Variants in TTN observed in about 807,000 individuals in gnomAD.
The protein encoded by TTN is titin, also known as connectin.
A neutral mutation model predicts 3,223.0 loss-of-function variants in TTN; 1,525 were observed. That is an observed-to-expected ratio of 0.47 (90% CI 0.45 to 0.49). TTN has a LOEUF of 0.49. Ranked by LOEUF, TTN falls within the 20% of genes least tolerant of loss-of-function variation. TTN has a pLI of 0.00. For missense variants in TTN, 40,786 were observed against 43,424.0 expected, an observed-to-expected ratio of 0.94 and a Z score of 5.40; for synonymous variants, 14,094 against 15,161.0, an observed-to-expected ratio of 0.93 and a Z score of 5.17.
In TTN at chr2:178,601,902, C is replaced by T; in HGVS notation, c.55282G>A (p.Asp18428Asn). Residue 18428 changes from aspartate to asparagine, a missense_variant, in exon 285 of 363, where the codon GAC becomes AAC. By Grantham distance (23) the Asp-to-Asn change is conservative (BLOSUM62 1). Coordinates refer to ENST00000589042, the MANE Select transcript of TTN (RefSeq NM_001267550.2). ...TTTACCTGTGCATCTTCGGGTATGT[C>T]ATGAACTCCATCCTATTAGAAAAGG... ...AKKAMKDGVH[D>N]IPEDAQLETA... 1 of 1,612,306 alleles carries T rather than the reference C, an allele frequency of 6.2e-7. No individual in the cohort carries two copies. Among genetic ancestry groups the T allele is most frequent in the Non-Finnish European group, 8.5e-7 (1 of 1,179,160 alleles).
chr2:178,791,798 T>A (rs2154354528), intron 10 of TTN, among the ~76,000 whole-genome samples: 1 of 152,194 alleles, frequency 6.6e-6, no homozygotes, highest in East Asian at 1.9e-4. Flanking sequence ...TGGCATGATA[T>A]CTATCATCCA....
intron 223 of TTN, 47 bp downstream of exon 223, chr2:178,639,652 T>TAAGTC: frequency 6.4e-7 from 1 of 1,574,504 alleles, no homozygotes; most frequent in Non-Finnish European, 8.7e-7. Context: ...ATACTTTTAT[T>TAAGTC]AAGTCACCAA....
intron 132 of TTN, 74 bp from the exon 133 acceptor site, chr2:178,684,156 G>C: frequency 1.3e-6 from 2 of 1,499,724 alleles, no homozygotes; most frequent in Non-Finnish European, 1.8e-6. Context: ...TAAAGTAGTA[G>C]CCCAAACATA....
chr2:178,795,226 G>A lies in TTN; in HGVS notation c.941C>T (p.Ser314Phe), dbSNP rs745587188. ...VRSVSPAARISTSPIRSVRSP... is the reference protein window; with the variant it reads ...VRSVSPAARIFTSPIRSVRSP... ...CCTAACAGACCTGATGGGGGATGTG[G>A]AGATTCTTGCTGCTGGAGACACGGA... The change falls in exon 7 of 363, where the codon TCC becomes TTC. Residue 314 changes from serine (S) to phenylalanine (F), a missense_variant. By Grantham distance (155) the Ser-to-Phe change is radical. Transcript: ENST00000589042. 3.1e-6 allele frequency: 5 copies of A among 1,614,156 alleles called. No individual in the cohort carries two copies. The South Asian group carries it at 5.5e-5, about 18-fold the overall frequency.
At position 178,652,964 on chromosome 2, in the gene TTN, G is replaced by T. The variant is rs753765776; in HGVS notation, c.38876-33C>A. 1.9e-6 allele frequency: 3 copies of T among 1,597,536 alleles called. No individual in the cohort carries two copies. In the Admixed American group the frequency reaches 5.2e-5, roughly 28 times the overall value. On this transcript the variant is annotated intron_variant, in intron 199 of 362. Coordinates refer to ENST00000589042, the MANE Select transcript of TTN (RefSeq NM_001267550.2). ...GATATTAGTGAAATTACATTTAGAA[G>T]TTTGAAGACCACTAGAAAAGTATTT...
Position 178,568,740 on chromosome 2 carries a change from G to T in TTN, c.77392C>A (p.Pro25798Thr), listed in dbSNP as rs1246528312. 1 of 1,613,036 alleles carries T rather than the reference G, an allele frequency of 6.2e-7. No homozygotes were observed. The change falls in exon 326 of 363, where the codon CCA becomes ACA. Residue 25798 changes from proline to threonine, a missense_variant. By Grantham distance (38) the Pro-to-Thr change is conservative. Transcript: ENST00000589042. The part of the protein sequence containing the change: ...PIVAKDLVIE[P>T]DVKPAFSSYS... The stretch of plus-strand genomic sequence containing the variant: ...CTACTGAATGCAGGTTTTACATCTG[G>T]CTCAATTACCAGATCTTTGGCAACT...
chr2:178,735,396 C>T, intron 50 of TTN, 115 bp downstream of exon 50: 1 of 1,032,280 alleles, frequency 9.7e-7, no homozygotes, highest in Non-Finnish European at 1.3e-6. Context: ...ATAATGTTTG[C>T]TGAATGACAT....
chr2:178,562,911 T>G lies in TTN; in HGVS notation c.83221A>C (p.Ser27741Arg), dbSNP rs1368077967. ...LVIDNVTRFDSGRYNLTLENN... is the reference protein window; with the variant it reads ...LVIDNVTRFDRGRYNLTLENN... ...TCTAATGTCAGATTATACCGACCAC[T>G]GTCAAATCTGGTAACATTATCAATC... is the stretch of plus-strand genomic sequence containing the variant. Residue 27741 changes from serine to arginine, a missense_variant, in exon 326 of 363, where the codon AGT (serine) becomes CGT (arginine). Coordinates refer to ENST00000589042, the MANE Select transcript of TTN (RefSeq NM_001267550.2). 5 of 1,613,444 alleles carry G rather than the reference T, an allele frequency of 3.1e-6. No individual in the cohort carries two copies. In the East Asian group the frequency reaches 8.9e-5, roughly 29 times the overall value.
At position 178,536,530 on chromosome 2, in the gene TTN, T is replaced by G; in HGVS notation, c.100217A>C (p.Lys33406Thr). 1 of 1,527,266 alleles carries G rather than the reference T, an allele frequency of 6.5e-7. No individual in the cohort carries two copies. The allele number at this position is 1,527,266 out of a possible 1,614,324, so 94.6% of individuals were successfully genotyped here. The change falls in exon 357 of 363, where the codon AAA (lysine) becomes ACA (threonine). Residue 33406 changes from lysine (K) to threonine (T), a missense_variant. Lys to Thr is a moderately conservative substitution (Grantham distance 78, BLOSUM62 -1). Coordinates refer to ENST00000589042, the MANE Select transcript of TTN (RefSeq NM_001267550.2). ...CTTCCAGGCCACAACACAAGAATCT[T>G]TTGTGACAGCAGTAATAGTTGGTTT... ...PGKPTITAVTKDSCVVAWKPP... is the reference protein window; with the variant it reads ...PGKPTITAVTTDSCVVAWKPP...
At position 178,739,147 on chromosome 2, in the gene TTN, T is replaced by G. The variant is rs779252244; in HGVS notation, c.14086A>C (p.Lys4696Gln). The G allele has an allele frequency of 1.3e-5, 20 of 1,509,054 alleles. No individual in the cohort carries two copies. The highest frequency in any genetic ancestry group is 1.7e-5 in the Non-Finnish European group (19 of 1,130,624). 93.5% of individuals were successfully genotyped at this position (1,509,054 alleles called of 1,614,324 possible). The change falls in exon 48 of 363, where the codon AAA (lysine) becomes CAA (glutamine). Residue 4696 changes from lysine (K) to glutamine (Q), a missense_variant. Coordinates refer to ENST00000589042, the MANE Select transcript of TTN (RefSeq NM_001267550.2). ...TTTATCCTTAAAATCCAACCTCTTTTTACTACAGTGAGTTTGGCTGAAGTT... is the reference window on the plus strand; with the variant it reads ...TTTATCCTTAAAATCCAACCTCTTTGTACTACAGTGAGTTTGGCTGAAGTT... ...TATSAKLTVV[K>Q]RAAPVIKRKI... is the part of the protein sequence containing the mutation.
At position 178,533,172 on chromosome 2, in the gene TTN, G is replaced by A; in HGVS notation, c.103443C>T (p.Leu34481=). ...RHVQKQIDKT[L]RMAEILSGTE... The stretch of plus-strand genomic sequence containing the variant: ...TTCCAGAAAGAATTTCAGCCATTCT[G>A]AGGGTTTTGTCAATTTGTTTTTGTA... Residue 34481 remains leucine, a synonymous_variant, in exon 358 of 363, where the codon CTC becomes CTT. Transcript: ENST00000589042. The A allele has an allele frequency of 6.2e-7, 1 of 1,613,974 alleles. No homozygotes were observed. Among genetic ancestry groups the A allele is most frequent in the Non-Finnish European group, 8.5e-7 (1 of 1,179,874 alleles).
Position 178,704,695 on chromosome 2 carries a change from T to G in TTN, c.29777A>C (p.Asn9926Thr), listed in dbSNP as rs377147236. 6.8e-6 allele frequency: 11 copies of G among 1,611,504 alleles called. No homozygotes were observed. Among genetic ancestry groups the G allele is most frequent in the Non-Finnish European group, 9.3e-6 (11 of 1,179,052 alleles). ...CCACGAAAGCTTGATTTCTGGATAA[T>G]TAATTTTAATGTCAATTTCAAAGAC... Reference protein sequence around the residue: ...DAVFEIDIKINYPEIKLSWYK... With the variant: ...DAVFEIDIKITYPEIKLSWYK... Residue 9926 changes from asparagine to threonine, a missense_variant, in exon 105 of 363, where the codon AAT becomes ACT. Coordinates refer to ENST00000589042, the MANE Select transcript of TTN (RefSeq NM_001267550.2).
At chr2:178,681,551 C>T (rs1038404485) in intron 136 of TTN, 101 bp from the exon 137 acceptor site, 4 of 1,449,120 alleles carry the variant, frequency 2.8e-6, no homozygotes, top group East Asian at 2.3e-5. Flanking sequence ...ATAATATTCC[C>T]AAACACACAC....
At chr2:178,633,125 CT>C in intron 233 of TTN, 61 bp downstream of exon 233, 3 of 1,598,018 alleles carry the variant, frequency 1.9e-6, no homozygotes, top group South Asian at 2.2e-5. Flanking sequence ...TATTTTATGC[CT>C]TTTTTCACCC....
chr2:178,546,476 G>A lies in TTN; in HGVS notation c.94855C>T (p.Arg31619Ter), dbSNP rs869312121. The A allele has an allele frequency of 2.5e-6, 4 of 1,612,500 alleles. No homozygotes were observed. The highest frequency in any genetic ancestry group is 3.4e-6 in the Non-Finnish European group (4 of 1,178,946). Residue 31619 changes from arginine (R) to a stop codon, truncating the protein, a stop_gained, in exon 342 of 363, where the codon CGA becomes TGA. Transcript: ENST00000589042. LOFTEE classifies it high-confidence loss of function. The stretch of plus-strand genomic sequence containing the variant: ...ATGGTAACCAGATCACCGTGTAATC[G>A]GGCATCCAGTTCGGCTTTGGGTGGA... The part of the protein sequence containing the change: ...YAPPKAELDA[R>*]LHGDLVTIRA...
At chr2:178,583,585 A>T in intron 312 of TTN, 22 bp downstream of exon 312, 1 of 1,560,534 alleles carries the variant, frequency 6.4e-7, no homozygotes, top group Non-Finnish European at 8.7e-7. Flanking sequence ...ATCTTTGCCT[A>T]TAATACTCAG....
Position 178,559,868 on chromosome 2 carries a change from T to A in TTN, c.86264A>T (p.Asp28755Val). 6 of 1,612,484 alleles carry A rather than the reference T, an allele frequency of 3.7e-6. No individual in the cohort carries two copies. Among genetic ancestry groups the A allele is most frequent in the Non-Finnish European group, 5.1e-6 (6 of 1,179,756 alleles). Reference sequence around the variant, plus strand: ...GGTCTTCCTCATTTCACTGTCAATATCAAATAAAGGTTCTTCTTCTCTTTC... The same window carrying A: ...GGTCTTCCTCATTTCACTGTCAATAACAAATAAAGGTTCTTCTTCTCTTTC... ...AKEREEEPLF[D>V]IDSEMRKTLI... The change falls in exon 326 of 363, where the codon GAT (aspartate) becomes GTT (valine). Residue 28755 changes from aspartate (D) to valine (V), a missense_variant. Coordinates refer to ENST00000589042, the MANE Select transcript of TTN (RefSeq NM_001267550.2).
rs2087772643 is a variant in TTN, at chr2:178,757,804, T to C, written c.10416A>G (p.Ser3472=). 1.2e-6 allele frequency: 2 copies of C among 1,612,100 alleles called. No homozygotes were observed. Among genetic ancestry groups the C allele is most frequent in the Non-Finnish European group, 1.7e-6 (2 of 1,178,708 alleles). Residue 3472 remains serine (S), a synonymous_variant, in exon 45 of 363, where the codon TCA becomes TCG. Coordinates refer to ENST00000589042, the MANE Select transcript of TTN (RefSeq NM_001267550.2). The part of the protein sequence containing the change: ...GQKPSFIQPL[S]SLRVHNGETV... ...TCTCCCCGTTGTGCACCCTGAGGCT[T>C]GACAGAGGCTGGATGAAGCTGGGCT...
rs761280624 is a variant in TTN, at chr2:178,549,762, G to C, written c.91960C>G (p.His30654Asp). ...PLNDGCAPIT[H>D]YIIEKRETSR... ...GTTTCCCGTTTTTCAATGATGTAGT[G>C]GGTTATGGGAGCACAACCGTCATTG... Residue 30654 changes from histidine to aspartate, a missense_variant, in exon 338 of 363, where the codon CAC (histidine) becomes GAC (aspartate). By Grantham distance (81) the His-to-Asp change is moderately conservative. Coordinates refer to ENST00000589042, the MANE Select transcript of TTN (RefSeq NM_001267550.2). 2 of 1,613,534 alleles carry C rather than the reference G, an allele frequency of 1.2e-6. No homozygotes were observed. The highest frequency in any genetic ancestry group is 1.7e-6 in the Non-Finnish European group (2 of 1,179,704).
Sources: allele counts gnomAD v4.1 joint callset (sites outside exome capture counted in the v4.1 genomes callset), GRCh38; gene constraint gnomAD v4.1.1; transcripts MANE v1.5; gene names NCBI Gene and HGNC (gene_info 2026-07-23, HGNC 2026-07-21).